Variants in FAM178B observed in about 807,000 individuals in gnomAD.
FAM178B encodes the protein protein FAM178B.
In FAM178B, 82 loss-of-function variants were observed where a neutral mutation model predicts 91.7. The observed-to-expected ratio is 0.89, with a 90% CI of 0.75 to 1.07. FAM178B has a LOEUF of 1.07. Among genes scored for constraint, FAM178B ranks in the 50% least tolerant of loss-of-function variants. The pLI is 0.00. For missense variants in FAM178B, 769 were observed against 846.7 expected (o/e 0.91, Z 1.14); for synonymous variants, 368 against 359.4 (o/e 1.02, Z -0.27).
chr2:96,882,203 CCTCT>C (rs1204159735), intron 14 of FAM178B, among the ~76,000 whole-genome samples: 1 of 152,238 alleles, frequency 6.6e-6, no homozygotes, highest in Non-Finnish European at 1.5e-5. Context: ...CCACCAGACC[CCTCT>C]CTCTGTGTGA....
chr2:96,940,339 G>A (rs1355814951), intron 8 of FAM178B, among the ~76,000 whole-genome samples: 2 of 152,214 alleles, frequency 1.3e-5, no homozygotes, highest in African/African-American at 2.4e-5. Context: ...TGAGAAGGTC[G>A]TGGGGCCTCC....
At chr2:96,893,099 T>C (rs745625217) in intron 14 of FAM178B, among the ~76,000 whole-genome samples, 1 of 152,182 alleles carries the variant, frequency 6.6e-6, no homozygotes, top group Non-Finnish European at 1.5e-5. Flanking sequence ...TGCCCAAAGG[T>C]TGGACTTCTG....
At position 96,955,677 on chromosome 2, in the gene FAM178B, T is replaced by C. The variant is rs538792704; in HGVS notation, c.888-4193A>G. ...CCTGGGCAACAAGAGCGAAACTTCG[T>C]TCCAAAAATAAATAAATAAATAAGC... is the stretch of plus-strand genomic sequence containing the variant. On this transcript the variant is annotated intron_variant, in intron 6 of 16. Transcript: ENST00000490605. 1.6e-3 allele frequency among the ~76,000 whole-genome samples: 240 copies of C among 152,280 alleles called. 2 individuals are homozygous for C. The highest frequency in any genetic ancestry group is 5.8e-3 in the Admixed American group (89 of 15,296).
At chr2:96,902,576 C>A in intron 13 of FAM178B, 44 bp downstream of exon 13, 1 of 1,388,040 alleles carries the variant, frequency 7.2e-7, no homozygotes, top group South Asian at 1.2e-5. Flanking sequence ...CTCCAGAGCC[C>A]GCAGGCCATG....
chr2:96,913,018 G>T (rs1181122788), intron 12 of FAM178B, among the ~76,000 whole-genome samples: 1 of 152,202 alleles, frequency 6.6e-6, no homozygotes, highest in Non-Finnish European at 1.5e-5. Flanking sequence ...AGACAGAACG[G>T]CTGTTTTAAG....
intron 14 of FAM178B, among the ~76,000 whole-genome samples, chr2:96,889,207 G>T (rs575779942): frequency 6.6e-6 from 1 of 152,168 alleles, no homozygotes; most frequent in African/African-American, 2.4e-5. Context: ...CCCAGCTCTG[G>T]GACCATCCCC....
chr2:96,885,916 C>T (rs1013405692), intron 14 of FAM178B, among the ~76,000 whole-genome samples: 1 of 152,154 alleles, frequency 6.6e-6, no homozygotes, highest in Non-Finnish European at 1.5e-5. Flanking sequence ...TGCGTGTGAG[C>T]GTGTAGAGTG....
intron 15 of FAM178B, among the ~76,000 whole-genome samples, 176 bp downstream of exon 15, chr2:96,878,240 T>A (rs894106511): frequency 4.6e-5 from 7 of 152,150 alleles, no homozygotes; most frequent in African/African-American, 1.7e-4. Flanking sequence ...GCTCAGCTGG[T>A]GGGACACTGT....
intron 13 of FAM178B, among the ~76,000 whole-genome samples, chr2:96,895,374 C>G (rs1021304872): frequency 6.6e-6 from 1 of 152,234 alleles, no homozygotes; most frequent in Non-Finnish European, 1.5e-5. Flanking sequence ...CCACACACTG[C>G]TTTTGGCTGA....
chr2:96,950,494 G>A (rs2081906868), intron 7 of FAM178B, among the ~76,000 whole-genome samples: 2 of 152,182 alleles, frequency 1.3e-5, no homozygotes, highest in South Asian at 2.1e-4. Flanking sequence ...GCAGTTCCTG[G>A]AATAATCCGC....
chr2:96,954,021 G>A (rs1327016734), intron 6 of FAM178B, among the ~76,000 whole-genome samples: 1 of 152,256 alleles, frequency 6.6e-6, no homozygotes, highest in East Asian at 1.9e-4. Context: ...TGTTGTCAGA[G>A]TCACGTCCCC....
At chr2:96,952,198 G>A (rs372125640) in intron 6 of FAM178B, among the ~76,000 whole-genome samples, 1 of 152,176 alleles carries the variant, frequency 6.6e-6, no homozygotes, top group South Asian at 2.1e-4. Flanking sequence ...CGAGGCCAGC[G>A]TCTCGCGATC....
At chr2:96,901,011 T>C (rs1353865946) in intron 13 of FAM178B, among the ~76,000 whole-genome samples, 1 of 151,962 alleles carries the variant, frequency 6.6e-6, no homozygotes, top group Admixed American at 6.6e-5. Flanking sequence ...TCCAGGAAGA[T>C]TACTGCGGAG....
At chr2:96,922,116 A>C (rs1216397324) in intron 10 of FAM178B, among the ~76,000 whole-genome samples, 1 of 152,148 alleles carries the variant, frequency 6.6e-6, no homozygotes, top group Non-Finnish European at 1.5e-5. Context: ...GTGAATTAGC[A>C]TGCTAAAAGA....
intron 8 of FAM178B, among the ~76,000 whole-genome samples, chr2:96,944,358 C>A (rs2081785901): frequency 6.6e-6 from 1 of 152,004 alleles, no homozygotes; most frequent in African/African-American, 2.4e-5. Context: ...TCAAAGGGCA[C>A]TGGACAGACA....
rs1321868723 is a variant in FAM178B at position 96,878,466 on chromosome 2, T to A, written c.1804A>T (p.Met602Leu). The A allele has an allele frequency of 3.1e-6, 5 of 1,613,906 alleles. No homozygotes were observed. In the Admixed American group the frequency reaches 8.3e-5, roughly 27 times the overall value. Residue 602 changes from methionine to leucine, a missense_variant, in exon 15 of 17, where the codon ATG becomes TTG. Coordinates refer to ENST00000490605, the MANE Select transcript of FAM178B (RefSeq NM_001122646.3). ...KACYLCHSLL[M>L]LAGVVVSCQD... ...CAGCTAACAACTACCCCGGCCAGCA[T>A]CAGCAAGCTGTGGCACAGGTAGCAG... is the stretch of plus-strand genomic sequence containing the variant.
intron 6 of FAM178B, chr2:96,951,966 A>T: frequency 6.0e-6 from 1 of 166,872 alleles, no homozygotes; most frequent in Middle Eastern, 2.8e-3. Flanking sequence ...AGTTGCAGTG[A>T]GCCAAGATCA....
intron 12 of FAM178B, among the ~76,000 whole-genome samples, chr2:96,908,949 T>C (rs2081103653): frequency 6.6e-6 from 1 of 151,690 alleles, no homozygotes; most frequent in Non-Finnish European, 1.5e-5. Flanking sequence ...TCGAGACCAG[T>C]CTGGCCAACA....
At chr2:96,970,162 G>A (rs762740896) in intron 4 of FAM178B, among the ~76,000 whole-genome samples, 35 of 152,166 alleles carry the variant, frequency 2.3e-4, no homozygotes, top group South Asian at 2.1e-4. Flanking sequence ...CTCATCAGAC[G>A]TGACTGTTGC....
Sources: gnomAD v4.1 joint callset for allele counts (sites outside exome capture counted in the v4.1 genomes callset) on GRCh38, gnomAD v4.1.1 for gene constraint, MANE v1.5 for transcripts, NCBI Gene and HGNC (gene_info 2026-07-23, HGNC 2026-07-21) for gene names.